The following ARL15 variants were observed in gnomAD, a reference collection of about 807,000 sequenced individuals.
The protein encoded by ARL15 is ARF like GTPase 15.
A neutral mutation model predicts 25.2 loss-of-function variants in ARL15; 19 were observed. That is an observed-to-expected ratio of 0.75 (90% CI 0.53 to 1.10). ARL15 has a LOEUF of 1.10. ARL15 is among the 50% of genes least tolerant of loss of function. ARL15 has a pLI of 0.00. For synonymous variants in ARL15, 94 were observed against 86.8 expected (o/e 1.08, Z -0.46); for missense variants, 220 against 246.0 (o/e 0.89, Z 0.71).
At chr5:54,279,296 A>G (rs1445418644) in intron 1 of ARL15, among the ~76,000 whole-genome samples, 3 of 152,120 alleles carry the variant, frequency 2.0e-5, no homozygotes, top group Admixed American at 1.3e-4. Flanking sequence ...CCAAAACAAA[A>G]TACCTTAGAC....
intron 4 of ARL15, among the ~76,000 whole-genome samples, chr5:53,899,194 A>C (rs1381604889): frequency 6.6e-6 from 1 of 151,438 alleles, no homozygotes; most frequent in Admixed American, 6.6e-5. Context: ...TAAAAATACA[A>C]AAAATTAGCC....
chr5:54,122,849 C>T (rs1406663973), intron 3 of ARL15, among the ~76,000 whole-genome samples: 2 of 152,192 alleles, frequency 1.3e-5, no homozygotes, highest in South Asian at 2.1e-4. Context: ...TCTAATTTCA[C>T]TGGTTACCTG....
intron 4 of ARL15, among the ~76,000 whole-genome samples, chr5:54,032,815 T>C (rs1447371940): frequency 1.3e-5 from 2 of 152,176 alleles, no homozygotes; most frequent in African/African-American, 4.8e-5. Flanking sequence ...AAGTTCTGGT[T>C]CCTGACATTT....
chr5:54,104,606 A>G (rs1265767698), intron 4 of ARL15, among the ~76,000 whole-genome samples: 1 of 152,150 alleles, frequency 6.6e-6, no homozygotes, highest in East Asian at 1.9e-4. Flanking sequence ...TTTTTATAAT[A>G]GGAACTAAGA....
intron 3 of ARL15, among the ~76,000 whole-genome samples, chr5:54,137,642 C>G (rs934464233): frequency 2.0e-5 from 3 of 152,166 alleles, no homozygotes; most frequent in Admixed American, 2.0e-4. Flanking sequence ...TGTGCAGGCT[C>G]TTACCTACTA....
intron 4 of ARL15, among the ~76,000 whole-genome samples, chr5:54,041,261 G>C (rs1233548988): frequency 3.3e-5 from 5 of 152,172 alleles, no homozygotes; most frequent in Non-Finnish European, 7.4e-5. Flanking sequence ...GAAGGTCAAA[G>C]AATGCAAAAT....
chr5:54,042,796 G>A (rs3776696), intron 4 of ARL15, among the ~76,000 whole-genome samples: 2 of 152,030 alleles, frequency 1.3e-5, no homozygotes, highest in African/African-American at 2.4e-5. Flanking sequence ...AGAGTGCCTC[G>A]GGTGTCACCA....
chr5:54,181,080 T>C (rs1668842206), intron 1 of ARL15, among the ~76,000 whole-genome samples: 1 of 152,206 alleles, frequency 6.6e-6, no homozygotes, highest in Non-Finnish European at 1.5e-5. Flanking sequence ...TATCTGATGA[T>C]TAGATTTAAA....
chr5:54,169,099 G>A (rs1233923927), intron 2 of ARL15, among the ~76,000 whole-genome samples: 2 of 151,668 alleles, frequency 1.3e-5, no homozygotes, highest in African/African-American at 4.8e-5. Flanking sequence ...GCACAATTCT[G>A]GTAAAACGTA....
At chr5:54,268,274 CT>C (rs1308161626) in intron 1 of ARL15, among the ~76,000 whole-genome samples, 1 of 152,110 alleles carries the variant, frequency 6.6e-6, no homozygotes, top group Non-Finnish European at 1.5e-5. Flanking sequence ...CCTGAGGCTT[CT>C]GCATTCTTCA....
chr5:54,007,229 C>A (rs1488840276), intron 4 of ARL15, among the ~76,000 whole-genome samples: 1 of 152,080 alleles, frequency 6.6e-6, no homozygotes, highest in African/African-American at 2.4e-5. Flanking sequence ...CATAATTCTC[C>A]ATTTTCTAAA....
intron 1 of ARL15, among the ~76,000 whole-genome samples, chr5:54,292,487 G>A (rs1375956120): frequency 3.9e-5 from 6 of 152,116 alleles, no homozygotes; most frequent in African/African-American, 1.4e-4. Context: ...AAACCAGAAG[G>A]CAGAATCACA....
chr5:53,997,802 C>G (rs372553050), intron 4 of ARL15, among the ~76,000 whole-genome samples: 4 of 151,882 alleles, frequency 2.6e-5, no homozygotes, highest in Non-Finnish European at 5.9e-5. Context: ...AAAAGAGGGA[C>G]GCTTTGGAAA....
intron 4 of ARL15, among the ~76,000 whole-genome samples, chr5:54,052,623 G>C (rs1750734399): frequency 6.6e-6 from 1 of 152,170 alleles, no homozygotes; most frequent in Non-Finnish European, 1.5e-5. Flanking sequence ...AAAAACGCTA[G>C]AATGATCCTT....
intron 1 of ARL15, among the ~76,000 whole-genome samples, chr5:54,300,557 A>T (rs1296948340): frequency 6.6e-6 from 1 of 152,220 alleles, no homozygotes; most frequent in African/African-American, 2.4e-5. Context: ...ATTGTGTTAA[A>T]CTATTGTTTT....
intron 1 of ARL15, among the ~76,000 whole-genome samples, chr5:54,208,685 CA>C (rs1181709227): frequency 6.6e-6 from 1 of 151,916 alleles, no homozygotes; most frequent in Non-Finnish European, 1.5e-5. Context: ...GTCCAATAAG[CA>C]AAATCTCAAA....
intron 4 of ARL15, among the ~76,000 whole-genome samples, chr5:54,025,356 A>T (rs1749759502): frequency 6.6e-6 from 1 of 152,092 alleles, no homozygotes; most frequent in South Asian, 2.1e-4. Context: ...AAGAACAGCA[A>T]ACCTAATATC....
intron 4 of ARL15, among the ~76,000 whole-genome samples, chr5:53,933,771 C>G (rs1464471080): frequency 6.7e-6 from 1 of 150,158 alleles, no homozygotes; most frequent in Non-Finnish European, 1.5e-5. Flanking sequence ...ATGCTTTCTT[C>G]TAAGTTGCTT....
At chr5:54,297,364 C>T (rs1263187966) in intron 1 of ARL15, among the ~76,000 whole-genome samples, 1 of 152,222 alleles carries the variant, frequency 6.6e-6, no homozygotes, top group East Asian at 1.9e-4. Flanking sequence ...TGAAGATGGC[C>T]CAGGCCAAGG....
Sources: gnomAD v4.1 joint callset for allele counts (sites outside exome capture counted in the v4.1 genomes callset) on GRCh38, gnomAD v4.1.1 for gene constraint, MANE v1.5 for transcripts, NCBI Gene and HGNC (gene_info 2026-07-23, HGNC 2026-07-21) for gene names.